FGGY: variants seen among roughly 807,000 people sequenced by gnomAD.
The protein encoded by FGGY is FGGY carbohydrate kinase domain containing, also known as FGGY carbohydrate kinase domain-containing protein.
A neutral mutation model predicts 71.3 loss-of-function variants in FGGY; 72 were observed. The observed-to-expected ratio is 1.01, with a 90% CI of 0.84 to 1.23. The LOEUF (loss-of-function observed/expected upper bound fraction) is 1.23, where lower values mean the gene tolerates loss of function less well. FGGY is among the 50% of genes most tolerant of loss of function. The pLI, the probability that FGGY is intolerant of heterozygous loss-of-function variation, is 0.00. For missense variants in FGGY, 668 were observed against 682.3 expected, an observed-to-expected ratio of 0.98 and a Z score of 0.23; for synonymous variants, 251 against 250.3, an observed-to-expected ratio of 1.00 and a Z score of -0.02.
chr1:59,674,984 T>G (rs1368006832), intron 14 of FGGY, among the ~76,000 whole-genome samples: 1 of 152,196 alleles, frequency 6.6e-6, no homozygotes, highest in Non-Finnish European at 1.5e-5. Flanking sequence ...GTAATAGTAA[T>G]TGACAGCGCA....
At chr1:59,627,454 T>TTATATATATATA (rs60500862) in intron 10 of FGGY, among the ~76,000 whole-genome samples, 243 of 97,256 alleles carry the variant, frequency 2.5e-3, no homozygotes, top group South Asian at 5.9e-3. Flanking sequence ...ACTTATGATT[T>TTATATATATATA]TATATATATA....
chr1:59,533,736 G>C (rs1332804435), intron 7 of FGGY, among the ~76,000 whole-genome samples: 24 of 152,324 alleles, frequency 1.6e-4, no homozygotes, highest in East Asian at 5.8e-4. Context: ...AGCAGGGGCA[G>C]ACTGACACCT....
chr1:59,441,850 T>A (rs1253980103), intron 5 of FGGY, among the ~76,000 whole-genome samples: 1 of 152,204 alleles, frequency 6.6e-6, no homozygotes, highest in African/African-American at 2.4e-5. Context: ...AGATCAGTTA[T>A]TCCATTTCAC....
chr1:59,664,017 C>T (rs2097301434), intron 12 of FGGY, among the ~76,000 whole-genome samples: 1 of 152,130 alleles, frequency 6.6e-6, no homozygotes, highest in South Asian at 2.1e-4. Context: ...CAAAACCCTC[C>T]ATGAAGTAAA....
At chr1:59,361,948 G>A (rs999105335) in intron 4 of FGGY, among the ~76,000 whole-genome samples, 3 of 152,116 alleles carry the variant, frequency 2.0e-5, no homozygotes, top group African/African-American at 4.8e-5. Context: ...GGGGGGTGGC[G>A]TGTGACTCAG....
intron 8 of FGGY, among the ~76,000 whole-genome samples, chr1:59,567,028 T>C (rs1176740134): frequency 6.6e-6 from 1 of 152,116 alleles, no homozygotes; most frequent in Non-Finnish European, 1.5e-5. Context: ...ATAATAGATA[T>C]ATACATGAGC....
At chr1:59,362,634 T>G (rs1376707183) in intron 4 of FGGY, among the ~76,000 whole-genome samples, 1 of 152,226 alleles carries the variant, frequency 6.6e-6, no homozygotes, top group Non-Finnish European at 1.5e-5. Context: ...CCTCAGTCTT[T>G]GCCTTCCCTC....
chr1:59,311,676 T>C (rs2044363211), intron 1 of FGGY, among the ~76,000 whole-genome samples: 1 of 152,232 alleles, frequency 6.6e-6, no homozygotes, highest in Non-Finnish European at 1.5e-5. Context: ...ATGACTTTGC[T>C]ATTGTAAACA....
intron 5 of FGGY, among the ~76,000 whole-genome samples, chr1:59,382,391 G>T (rs1432136114): frequency 6.6e-6 from 1 of 152,170 alleles, no homozygotes; most frequent in Admixed American, 6.5e-5. Flanking sequence ...ACAATCATTA[G>T]CCAAAGGTCC....
chr1:59,614,245 C>T (rs886437394), intron 9 of FGGY, among the ~76,000 whole-genome samples: 4 of 152,158 alleles, frequency 2.6e-5, no homozygotes, highest in African/African-American at 4.8e-5. Flanking sequence ...TGCAAAAATC[C>T]TCAATAAAAT....
At chr1:59,637,623 C>T (rs1283568030) in intron 10 of FGGY, among the ~76,000 whole-genome samples, 1 of 152,160 alleles carries the variant, frequency 6.6e-6, no homozygotes, top group Middle Eastern at 3.4e-3. Context: ...AAAGAAAAAA[C>T]GTACACAATG....
chr1:59,485,540 C>T (rs899140600), intron 6 of FGGY, among the ~76,000 whole-genome samples: 3 of 152,116 alleles, frequency 2.0e-5, no homozygotes, highest in African/African-American at 7.2e-5. Flanking sequence ...GATTCACTAC[C>T]TCTGGACTTT....
intron 4 of FGGY, among the ~76,000 whole-genome samples, chr1:59,351,233 A>G (rs1269341277): frequency 6.6e-6 from 1 of 152,244 alleles, no homozygotes; most frequent in Non-Finnish European, 1.5e-5. Context: ...CCTACAGGGC[A>G]GAATATATAT....
intron 14 of FGGY, among the ~76,000 whole-genome samples, chr1:59,736,662 G>T (rs977252135): frequency 1.3e-5 from 2 of 152,216 alleles, no homozygotes; most frequent in Non-Finnish European, 2.9e-5. Context: ...TTTCTAAGCA[G>T]CAAAGCATTG....
intron 11 of FGGY, among the ~76,000 whole-genome samples, chr1:59,642,146 T>G (rs1255564296): frequency 6.6e-6 from 1 of 152,104 alleles, no homozygotes; most frequent in Non-Finnish European, 1.5e-5. Flanking sequence ...GGAAAGGCCT[T>G]AGTAGTTCTG....
intron 14 of FGGY, among the ~76,000 whole-genome samples, chr1:59,675,314 C>A (rs1267153347): frequency 6.6e-6 from 1 of 152,070 alleles, no homozygotes; most frequent in Non-Finnish European, 1.5e-5. Flanking sequence ...ATGCTAGGTG[C>A]TTTTTGTATA....
chr1:59,677,952 AG>A (rs2097453089), intron 14 of FGGY, among the ~76,000 whole-genome samples: 1 of 152,170 alleles, frequency 6.6e-6, no homozygotes, highest in Non-Finnish European at 1.5e-5. Context: ...GATCTCACAA[AG>A]GATACTGACA....
chr1:59,472,213 G>T (rs967301572), intron 6 of FGGY, among the ~76,000 whole-genome samples: 1 of 152,184 alleles, frequency 6.6e-6, no homozygotes, highest in Non-Finnish European at 1.5e-5. Flanking sequence ...GGCGGACCCC[G>T]CACTTGGAGC....
Position 59,424,314 on chromosome 1 carries a change from C to T in FGGY, c.555-32647C>T, listed in dbSNP as rs376513684. Among the ~76,000 whole-genome samples the T allele has an allele frequency of 9.9e-5, 15 of 152,224 alleles. No individual in the cohort carries two copies. The East Asian group carries it at 1.2e-3, about 12-fold the overall frequency. On this transcript the variant is annotated intron_variant, in intron 5 of 15. Transcript: ENST00000303721. ...CTGTAATCCCAGCACTCTGGGAGGC[C>T]GAGGCAGGCGAATCATGAGGTCAAG... is the stretch of plus-strand genomic sequence containing the variant.
Sources: allele counts gnomAD v4.1 joint callset (sites outside exome capture counted in the v4.1 genomes callset), GRCh38; gene constraint gnomAD v4.1.1; transcripts MANE v1.5; gene names NCBI Gene and HGNC (gene_info 2026-07-23, HGNC 2026-07-21).